The following STK31 variants were observed in gnomAD, a reference collection of about 807,000 sequenced individuals.
STK31 encodes the protein serine/threonine-protein kinase 31.
A neutral mutation model predicts 129.7 loss-of-function variants in STK31; 89 were observed. The ratio of observed to expected loss-of-function variants is 0.69; its 90% confidence interval spans 0.58 to 0.82. STK31 has a LOEUF of 0.82. STK31 is among the 40% of genes least tolerant of loss of function. The pLI is 0.00. For synonymous variants in STK31, 448 were observed against 395.3 expected (o/e 1.13, Z -1.58); for missense variants, 1,187 against 1,176.4 (o/e 1.01, Z -0.13).
intron 11 of STK31, among the ~76,000 whole-genome samples, chr7:23,765,558 CTT>C (rs10677070): frequency 7.7e-6 from 1 of 129,604 alleles, no homozygotes. Flanking sequence ...ACCTCTTATA[CTT>C]TTTTTTTTTT....
At chr7:23,730,433 T>G (rs1787333423) in intron 6 of STK31, among the ~76,000 whole-genome samples, 1 of 152,160 alleles carries the variant, frequency 6.6e-6, no homozygotes, top group African/African-American at 2.4e-5. Flanking sequence ...ATTATAAAAT[T>G]ACACCCCAAG....
At chr7:23,763,588 G>C (rs1789613860) in intron 11 of STK31, among the ~76,000 whole-genome samples, 2 of 151,612 alleles carry the variant, frequency 1.3e-5, no homozygotes, top group South Asian at 4.2e-4. Context: ...TTATGCTTTT[G>C]ATTGCTTTTA....
intron 3 of STK31, 97 bp downstream of exon 3, chr7:23,712,383 C>A: frequency 8.9e-7 from 1 of 1,126,962 alleles, no homozygotes; most frequent in Non-Finnish European, 1.3e-6. Context: ...ATACATTTGT[C>A]ATTCTCATTG....
intron 4 of STK31, among the ~76,000 whole-genome samples, chr7:23,725,193 C>G (rs747839064): frequency 6.6e-6 from 1 of 151,886 alleles, no homozygotes; most frequent in Non-Finnish European, 1.5e-5. Flanking sequence ...CCATAAGGAC[C>G]ACTTTTATTC....
chr7:23,764,306 C>T (rs541113326), intron 11 of STK31, among the ~76,000 whole-genome samples: 1 of 152,276 alleles, frequency 6.6e-6, no homozygotes, highest in South Asian at 2.1e-4. Context: ...CATCTTTAAA[C>T]CTCTTTTCTT....
chr7:23,809,838 A>AC (rs11415111), intron 22 of STK31, among the ~76,000 whole-genome samples: 116,242 of 152,040 alleles, frequency 0.76, 45,084 homozygotes, highest in African/African-American at 0.89. Flanking sequence ...GGTAGGCTAC[A>AC]TGTATAGCCT....
At position 23,764,234 on chromosome 7, in the gene STK31, C is replaced by T. The variant is rs118119967; in HGVS notation, c.1416+1311C>T. ...TTCCACAATGCAGCTTCTACTTTGT[C>T]CCTTAAAGGTTTATTTCTTCTCACT... On this transcript the variant is annotated intron_variant, in intron 11 of 23. Transcript: ENST00000355870. Among the ~76,000 whole-genome samples, 454 of 152,222 alleles carry T rather than the reference C, an allele frequency of 3.0e-3. 16 individuals are homozygous for T. The East Asian group carries it at 0.075, about 25-fold the overall frequency.
At chr7:23,754,529 G>GT (rs1788933353) in intron 10 of STK31, 55 bp downstream of exon 10, 3 of 1,507,402 alleles carry the variant, frequency 2.0e-6, no homozygotes, top group South Asian at 1.3e-5. Context: ...ATAAGGAAGT[G>GT]TTTTTTTAAT....
intron 15 of STK31, among the ~76,000 whole-genome samples, chr7:23,773,873 C>G (rs778018448): frequency 1.4e-4 from 22 of 152,040 alleles, no homozygotes; most frequent in Non-Finnish European, 2.4e-4. Flanking sequence ...TGGTTTGCTG[C>G]ACCCATTAAC....
chr7:23,805,981 G>C (rs1262214149), intron 22 of STK31, among the ~76,000 whole-genome samples: 1 of 152,190 alleles, frequency 6.6e-6, no homozygotes, highest in Admixed American at 6.5e-5. Flanking sequence ...TGTCAGAGAG[G>C]AAGTACCTGA....
At chr7:23,796,426 C>G (rs9648306) in intron 22 of STK31, among the ~76,000 whole-genome samples, 36,685 of 151,688 alleles carry the variant, frequency 0.24, 4,699 homozygotes, top group South Asian at 0.34. Context: ...TTTATTCCAC[C>G]TATTTCCTTT....
chr7:23,793,054 A>C (rs4722273), intron 22 of STK31, among the ~76,000 whole-genome samples: 128,140 of 152,164 alleles, frequency 0.84, 54,044 homozygotes, highest in South Asian at 0.93. Flanking sequence ...GTGAAGTTAG[A>C]TGTCCAGATG....
intron 11 of STK31, among the ~76,000 whole-genome samples, chr7:23,765,680 A>T (rs994427834): frequency 6.6e-6 from 1 of 150,442 alleles, no homozygotes. Context: ...CCTCAGCCTC[A>T]TGAGTGGCTA....
chr7:23,725,869 T>C (rs1431269075), intron 4 of STK31: 7 of 152,196 alleles, frequency 4.6e-5, no homozygotes, highest in Non-Finnish European at 8.8e-5. Flanking sequence ...TTTATACAAC[T>C]CTAACAAGGG....
intron 23 of STK31, among the ~76,000 whole-genome samples, chr7:23,817,530 C>G (rs1261633043): frequency 6.6e-6 from 1 of 152,158 alleles, no homozygotes; most frequent in East Asian, 1.9e-4. Flanking sequence ...AGCTGCAAAA[C>G]AAGTCAAGGC....
chr7:23,765,172 A>G (rs182375872), intron 11 of STK31, among the ~76,000 whole-genome samples: 215 of 152,122 alleles, frequency 1.4e-3, no homozygotes, highest in Non-Finnish European at 2.6e-3. Flanking sequence ...CTCCTGCCTC[A>G]GCCTACCTAG....
At position 23,832,405 on chromosome 7, in the gene STK31, C is replaced by CTTTG. The variant is rs56362098; in HGVS notation, c.*40_*43dup. ...TTGTTGCAGAGGTTCTTTTTAAAAA[C>CTTTG]TTTGGTTTGGTTAATACACAGAAAT... On this transcript the variant is annotated 3_prime_UTR_variant, in exon 24 of 24. Transcript: ENST00000355870. The CTTTG allele has an allele frequency of 0.72, 1,066,772 of 1,476,114 alleles. 390,185 individuals carry two copies. The highest frequency in any genetic ancestry group is 0.87 in the African/African-American group (61,289 of 70,826). The allele number at this position is 1,476,114 out of a possible 1,614,324, so 91.4% of individuals were successfully genotyped here.
At chr7:23,752,406 G>A (rs558553537) in intron 8 of STK31, among the ~76,000 whole-genome samples, 1 of 144,612 alleles carries the variant, frequency 6.9e-6, no homozygotes, top group Non-Finnish European at 1.5e-5. Context: ...CTGGAGTGCT[G>A]TGGCACAATC....
intron 19 of STK31, 26 bp from the exon 20 acceptor site, chr7:23,786,812 G>C: frequency 6.3e-7 from 1 of 1,597,354 alleles, no homozygotes; most frequent in East Asian, 2.2e-5. Flanking sequence ...TTTACTTGGA[G>C]TCACATTCTC....
Sources: allele counts gnomAD v4.1 joint callset (sites outside exome capture counted in the v4.1 genomes callset), GRCh38; gene constraint gnomAD v4.1.1; transcripts MANE v1.5; gene names NCBI Gene and HGNC (gene_info 2026-07-23, HGNC 2026-07-21).